Variants in GSE1 observed in about 807,000 individuals in gnomAD.
GSE1 encodes Gse1 coiled-coil protein, also known as genetic suppressor element 1.
Under a neutral mutation model 112.6 loss-of-function variants are expected in GSE1, and 32 were observed. The ratio of observed to expected loss-of-function variants is 0.28; its 90% CI spans 0.21 to 0.38. The LOEUF is 0.38. Ranked by LOEUF, GSE1 falls within the 10% of genes least tolerant of loss-of-function variation. GSE1 has a pLI of 1.00. For synonymous variants in GSE1, 1,115 were observed against 735.6 expected, an observed-to-expected ratio of 1.52 and a Z score of -8.35; for missense variants, 2,348 against 1,699.2, an observed-to-expected ratio of 1.38 and a Z score of -6.71.
chr16:85,520,163 T>C (rs1396932186), intron 2 of GSE1, among the ~76,000 whole-genome samples: 3 of 152,188 alleles, frequency 2.0e-5, no homozygotes, highest in Non-Finnish European at 4.4e-5. Context: ...TGGTGAGGGC[T>C]CACCTCGTGG....
At chr16:85,254,678 A>G (rs1377352383) in intron 1 of GSE1, among the ~76,000 whole-genome samples, 1 of 152,150 alleles carries the variant, frequency 6.6e-6, no homozygotes, top group Non-Finnish European at 1.5e-5. Flanking sequence ...TGTGACCAGG[A>G]TGACCGTGCT....
At chr16:85,660,440 C>T (rs1235376609) in intron 8 of GSE1, among the ~76,000 whole-genome samples, 3 of 152,112 alleles carry the variant, frequency 2.0e-5, no homozygotes, top group Non-Finnish European at 4.4e-5. Flanking sequence ...AATTCGAGAG[C>T]AGTCTGGCCA....
At chr16:85,352,764 C>A (rs531499140) in intron 1 of GSE1, among the ~76,000 whole-genome samples, 1 of 152,296 alleles carries the variant, frequency 6.6e-6, no homozygotes, top group South Asian at 2.1e-4. Context: ...CACAGCCTTG[C>A]GTGTCCATTA....
intron 1 of GSE1, among the ~76,000 whole-genome samples, chr16:85,582,664 C>T (rs1022016446): frequency 1.3e-5 from 2 of 152,148 alleles, no homozygotes; most frequent in African/African-American, 4.8e-5. Flanking sequence ...GGAGCTCAGT[C>T]CTCCCCGTGT....
At position 85,211,029 on chromosome 16, in the gene GSE1, G is replaced by A. The variant is rs541913082; in HGVS notation, c.2283+39222G>A. On this transcript the variant is annotated intron_variant, in intron 1 of 2. Coordinates refer to the GSE1 transcript ENST00000637419. ...GGACTGTGCCACTTGACCTTGCTGG[G>A]TTGCAGGTTTTGCTGATACTGGCTG... 4.6e-5 allele frequency among the ~76,000 whole-genome samples: 7 copies of A among 152,348 alleles called. No individual in the cohort carries two copies. The South Asian group carries it at 1.4e-3, about 32-fold the overall frequency.
chr16:85,556,150 G>A, exon 1 of GSE1: 2 of 946,694 alleles, frequency 2.1e-6, no homozygotes, highest in Non-Finnish European at 1.2e-6. Flanking sequence ...GGGCGGGGGG[G>A]GGAAAGACTG....
chr16:85,312,207 G>GGGGGT (rs2045872030), intron 1 of GSE1, among the ~76,000 whole-genome samples: 1 of 150,204 alleles, frequency 6.7e-6, no homozygotes, highest in Non-Finnish European at 1.5e-5. Context: ...CCTCTTGCGG[G>GGGGGT]GGGGGGGGGG....
chr16:85,218,585 C>A (rs929535236), intron 1 of GSE1, among the ~76,000 whole-genome samples: 1 of 152,194 alleles, frequency 6.6e-6, no homozygotes, highest in Non-Finnish European at 1.5e-5. Flanking sequence ...ACCTGTGTGA[C>A]CTCCCAAACT....
chr16:85,312,211 G>GC (rs915359902), intron 1 of GSE1, among the ~76,000 whole-genome samples: 2 of 151,518 alleles, frequency 1.3e-5, no homozygotes, highest in Non-Finnish European at 2.9e-5. Context: ...TTGCGGGGGG[G>GC]GGGGGGACAC....
chr16:85,653,338 C>T (rs567256709), intron 3 of GSE1, among the ~76,000 whole-genome samples: 2 of 90,476 alleles, frequency 2.2e-5, no homozygotes, highest in African/African-American at 4.1e-5. Context: ...CTTAGTCACA[C>T]GAATAACAGG....
chr16:85,494,126 C>T (rs2051096377), intron 2 of GSE1, among the ~76,000 whole-genome samples: 1 of 152,224 alleles, frequency 6.6e-6, no homozygotes, highest in Admixed American at 6.5e-5. Flanking sequence ...AGAACTTACC[C>T]CGAACAGAGG....
chr16:85,239,935 G>A (rs1358374966), intron 1 of GSE1, among the ~76,000 whole-genome samples: 1 of 152,242 alleles, frequency 6.6e-6, no homozygotes, highest in Non-Finnish European at 1.5e-5. Context: ...GTAACGGGGT[G>A]CATCCTTCTG....
intron 1 of GSE1, among the ~76,000 whole-genome samples, chr16:85,615,754 A>G (rs1189533991): frequency 6.6e-6 from 1 of 152,192 alleles, no homozygotes; most frequent in Non-Finnish European, 1.5e-5. Flanking sequence ...GGGCTTGTAC[A>G]TCTCCAAACT....
At chr16:85,275,886 CTCTGGCCCCG>C (rs2144218534) in intron 1 of GSE1, among the ~76,000 whole-genome samples, 1 of 152,378 alleles carries the variant, frequency 6.6e-6, no homozygotes, top group African/African-American at 2.4e-5. Context: ...GGTCTCTGCT[CTCTGGCCCCG>C]TTCACTTCTG....
chr16:85,374,417 G>A (rs1336273071), intron 2 of GSE1, among the ~76,000 whole-genome samples: 1 of 151,946 alleles, frequency 6.6e-6, no homozygotes, highest in East Asian at 1.9e-4. Flanking sequence ...CGTGTGCAGT[G>A]TGTGTCAGTG....
intron 2 of GSE1, among the ~76,000 whole-genome samples, chr16:85,513,961 G>A (rs2051832944): frequency 6.6e-6 from 1 of 152,254 alleles, no homozygotes; most frequent in Admixed American, 6.5e-5. Context: ...TGGTACTGCT[G>A]CTATGTGGGA....
At position 85,514,437 on chromosome 16, in the gene GSE1, AC is replaced by A. The variant is rs1169600256; in HGVS notation, c.2465-119473del. Among the ~76,000 whole-genome samples, 53 of 43,172 alleles carry A rather than the reference AC, an allele frequency of 1.2e-3. 2 individuals carry two copies. The South Asian group carries it at 0.017, about 14-fold the overall frequency. 28.3% of individuals were successfully genotyped at this position (43,172 alleles called of 152,430 possible). On this transcript the variant is annotated intron_variant, in intron 2 of 2. Coordinates refer to the GSE1 transcript ENST00000637419. ...CGCATGCTCTCGAGTCCCCCCCCCC[AC>A]CCCAGGGCAGCTCCTGGGGCATCCT...
intron 1 of GSE1, among the ~76,000 whole-genome samples, chr16:85,589,124 G>T (rs1293132402): frequency 2.6e-5 from 4 of 151,798 alleles, no homozygotes; most frequent in Admixed American, 2.6e-4. Flanking sequence ...CCTCCTCTCT[G>T]CCCAGCTGGG....
rs57012969 is a variant in GSE1 at position 85,433,588 on chromosome 16, C to CTGGATGGA, written c.2464+75982_2464+75989dup. Among the ~76,000 whole-genome samples the CTGGATGGA allele has an allele frequency of 1.8e-3, 275 of 150,174 alleles. 1 individual carries two copies. Among genetic ancestry groups the CTGGATGGA allele is most frequent in the Middle Eastern group, 3.4e-3 (1 of 294 alleles). ...AGATGGATGGATGAAGAGAAGGATC[C>CTGGATGGA]TGGATGGATGGATGGATGGATGGAT... On this transcript the variant is annotated intron_variant, in intron 2 of 2. Coordinates refer to the GSE1 transcript ENST00000637419.
Sources: gnomAD v4.1 joint callset for allele counts (sites outside exome capture counted in the v4.1 genomes callset) on GRCh38, gnomAD v4.1.1 for gene constraint, MANE v1.5 for transcripts, NCBI Gene and HGNC (gene_info 2026-07-23, HGNC 2026-07-21) for gene names.